CHM: variants seen among roughly 807,000 people sequenced by gnomAD.
CHM encodes the protein rab proteins geranylgeranyltransferase component A 1.
Under a neutral mutation model 49.0 loss-of-function variants are expected in CHM, and 10 were observed. The ratio of observed to expected loss-of-function variants is 0.20; its 90% CI spans 0.13 to 0.35. The LOEUF is 0.35. Among genes scored for constraint, CHM ranks in the 10% least tolerant of loss-of-function variants. CHM has a pLI of 1.00. For missense variants in CHM, 455 were observed against 478.4 expected, an observed-to-expected ratio of 0.95 and a Z score of 0.46; for synonymous variants, 184 against 167.5, an observed-to-expected ratio of 1.10 and a Z score of -0.76.
chrX:86,016,654 G>A (rs1235858904), intron 2 of CHM, among the ~76,000 whole-genome samples: 1 of 112,551 alleles, frequency 8.9e-6, no homozygotes, highest in Admixed American at 9.3e-5. Flanking sequence ...GAAATGCCGG[G>A]ATACCCAGAC....
At chrX:86,021,033 C>CAT (rs1159156871) in intron 2 of CHM, among the ~76,000 whole-genome samples, 63 of 96,055 alleles carry the variant, frequency 6.6e-4, no homozygotes, top group Non-Finnish European at 1.4e-4. Context: ...TATACACACA[C>CAT]ATATATATAC....
At chrX:86,007,717 A>T (rs1300584801) in intron 2 of CHM, among the ~76,000 whole-genome samples, 1 of 112,594 alleles carries the variant, frequency 8.9e-6, no homozygotes. Context: ...GTACCAACTC[A>T]TACCAGTTAG....
chrX:85,963,870 G>A lies in CHM; in HGVS notation c.497C>T (p.Ala166Val), dbSNP rs569919713. The change falls in exon 5 of 15, where the codon GCG becomes GTG. Residue 166 changes from alanine (A) to valine (V), a missense_variant. By Grantham distance (64) the Ala-to-Val change is moderately conservative (BLOSUM62 0). Transcript: ENST00000357749. ...EQTPSSDPEN[A>V]LEVNGAEVTG... ...CACTTCAGCACCATTTACTTCTAGC[G>A]CATTCTCTGGATCGCTGCTTGGAGT... 7 of 1,208,420 alleles carry A rather than the reference G, an allele frequency of 5.8e-6. No individual in the cohort carries two copies. Among genetic ancestry groups the A allele is most frequent in the South Asian group, 5.3e-5 (3 of 56,698 alleles).
intron 2 of CHM, among the ~76,000 whole-genome samples, chrX:85,987,669 A>G (rs1931990365): frequency 8.9e-6 from 1 of 111,844 alleles, no homozygotes; most frequent in African/African-American, 3.3e-5. Flanking sequence ...ATTACAAATG[A>G]CGAAGGGAAT....
intron 2 of CHM, among the ~76,000 whole-genome samples, chrX:85,988,932 A>T (rs1377404780): frequency 3.6e-5 from 4 of 112,190 alleles, no homozygotes; most frequent in Non-Finnish European, 7.5e-5. Flanking sequence ...GCCCAAAGCG[A>T]TTTACAGATT....
At chrX:85,977,974 A>T (rs1330667208) in intron 4 of CHM, among the ~76,000 whole-genome samples, 1 of 112,106 alleles carries the variant, frequency 8.9e-6, no homozygotes, top group Non-Finnish European at 1.9e-5. Context: ...GACAAAGCGT[A>T]TCCTGAAGAA....
At chrX:86,017,392 T>A (rs1022921858) in intron 2 of CHM, among the ~76,000 whole-genome samples, 4 of 111,740 alleles carry the variant, frequency 3.6e-5, no homozygotes. Context: ...TTCCCATAAT[T>A]CCTATATGTT....
intron 2 of CHM, among the ~76,000 whole-genome samples, chrX:86,004,939 C>A: frequency 8.9e-6 from 1 of 112,092 alleles, no homozygotes; most frequent in East Asian, 2.8e-4. Context: ...GAACTCTCCA[C>A]CCAAAGTCAA....
At chrX:86,003,024 G>A (rs1173099374) in intron 2 of CHM, among the ~76,000 whole-genome samples, 6 of 111,609 alleles carry the variant, frequency 5.4e-5, no homozygotes, top group African/African-American at 2.0e-4. Context: ...GCTCCTCTGG[G>A]ACAAACCTTA....
At chrX:85,994,883 G>T (rs1340090323) in intron 2 of CHM, among the ~76,000 whole-genome samples, 1 of 111,927 alleles carries the variant, frequency 8.9e-6, no homozygotes, top group Non-Finnish European at 1.9e-5. Flanking sequence ...GAAGAGAGTT[G>T]TATGTAGAAG....
chrX:85,954,893 C>CAAAAAAAA (rs768276965), intron 8 of CHM, among the ~76,000 whole-genome samples: 1 of 83,326 alleles, frequency 1.2e-5, no homozygotes. Flanking sequence ...CTCCATCTCC[C>CAAAAAAAA]AAAAAAAAAA....
intron 1 of CHM, among the ~76,000 whole-genome samples, chrX:86,040,254 C>T (rs1430758380): frequency 1.8e-5 from 2 of 112,365 alleles, no homozygotes; most frequent in Non-Finnish European, 3.8e-5. Context: ...AGGGCCAGCA[C>T]AGAGTTGACT....
chrX:85,884,364 A>G (rs1385580933), intron 12 of CHM, among the ~76,000 whole-genome samples: 1 of 111,095 alleles, frequency 9.0e-6, no homozygotes, highest in Non-Finnish European at 1.9e-5. Flanking sequence ...TCAAAATATC[A>G]GCTTAAGTAA....
chrX:85,883,494 A>G (rs1924886900), intron 12 of CHM, among the ~76,000 whole-genome samples: 1 of 111,365 alleles, frequency 9.0e-6, no homozygotes, highest in Admixed American at 9.6e-5. Flanking sequence ...TCAACTATGA[A>G]AAAGTCTATA....
chrX:85,964,745 T>C (rs184760457), intron 4 of CHM, among the ~76,000 whole-genome samples: 11 of 112,467 alleles, frequency 9.8e-5, no homozygotes, highest in Admixed American at 7.5e-4. Context: ...CTGATGTCTA[T>C]TACTCTAGTC....
chrX:85,871,521 T>C (rs1019906984), intron 14 of CHM, among the ~76,000 whole-genome samples: 1 of 110,176 alleles, frequency 9.1e-6, no homozygotes, highest in African/African-American at 3.3e-5. Flanking sequence ...ACATTGTCAA[T>C]GTTCTTTAAA....
intron 2 of CHM, among the ~76,000 whole-genome samples, chrX:86,016,090 A>AC (rs1933288042): frequency 9.0e-6 from 1 of 111,014 alleles, no homozygotes; most frequent in Non-Finnish European, 1.9e-5. Context: ...CCGAGATCGC[A>AC]CCACTGCACT....
chrX:85,908,028 A>G (rs1926711059), intron 9 of CHM, among the ~76,000 whole-genome samples: 1 of 111,692 alleles, frequency 9.0e-6, no homozygotes, highest in Non-Finnish European at 1.9e-5. Context: ...GACTCAAAGT[A>G]TAAGTAGTTC....
At chrX:86,019,592 T>C (rs1933452399) in intron 2 of CHM, 1 of 111,706 alleles carries the variant, frequency 9.0e-6, no homozygotes, top group South Asian at 3.7e-4. Context: ...ATATTAACAA[T>C]GAAAAAATGT....
Sources: allele counts gnomAD v4.1 joint callset (sites outside exome capture counted in the v4.1 genomes callset), GRCh38; gene constraint gnomAD v4.1.1; transcripts MANE v1.5; gene names NCBI Gene and HGNC (gene_info 2026-07-23, HGNC 2026-07-21).